Variants in CCDC6 observed in about 807,000 individuals in gnomAD.
CCDC6 encodes the protein coiled-coil domain containing 6.
CCDC6 carries 20 observed loss-of-function variants against 56.6 expected under a neutral mutation model. The observed-to-expected ratio is 0.35, with a 90% CI of 0.25 to 0.51. The LOEUF is 0.51. Ranked by LOEUF, CCDC6 falls within the 20% of genes least tolerant of loss-of-function variation. The pLI, the probability that CCDC6 is intolerant of heterozygous loss-of-function variation, is 0.95. For missense variants in CCDC6, 367 were observed against 601.1 expected (o/e 0.61, Z 4.07); for synonymous variants, 241 against 234.4 (o/e 1.03, Z -0.26).
chr10:59,904,026 C>T (rs1371632678), intron 1 of CCDC6, among the ~76,000 whole-genome samples: 1 of 152,164 alleles, frequency 6.6e-6, no homozygotes, highest in Non-Finnish European at 1.5e-5. Flanking sequence ...GGAAACCAGG[C>T]GAACCACAAG....
At chr10:59,864,250 C>G (rs1235062920) in intron 1 of CCDC6, among the ~76,000 whole-genome samples, 2 of 152,184 alleles carry the variant, frequency 1.3e-5, no homozygotes, top group Non-Finnish European at 2.9e-5. Flanking sequence ...GTTTCTTATT[C>G]TTCCTCTCAG....
Position 59,881,296 on chromosome 10 carries a change from G to C in CCDC6, c.303+24826C>G, listed in dbSNP as rs542724226. ...GGCAATCCCCGAGAAGTGGGTGTGA[G>C]CCAGAGTGTGATGTGTCCTGTAAGA... On this transcript the variant is annotated intron_variant, in intron 1 of 8. Transcript: ENST00000263102. 5.3e-5 allele frequency among the ~76,000 whole-genome samples: 8 copies of C among 152,226 alleles called. No individual in the cohort carries two copies. In the South Asian group the frequency reaches 1.7e-3, roughly 32 times the overall value.
At chr10:59,874,158 C>T (rs1024612880) in intron 1 of CCDC6, among the ~76,000 whole-genome samples, 1 of 152,016 alleles carries the variant, frequency 6.6e-6, no homozygotes, top group African/African-American at 2.4e-5. Context: ...CACACCCCTA[C>T]ATAGATTCCA....
chr10:59,882,070 C>CA (rs1564755844), intron 1 of CCDC6, among the ~76,000 whole-genome samples: 1 of 24,394 alleles, frequency 4.1e-5, no homozygotes. Flanking sequence ...AAAGGAAAGC[C>CA]GCGGGGAGAA....
chr10:59,893,615 A>AACAAATAC (rs943261705), intron 1 of CCDC6, among the ~76,000 whole-genome samples: 26 of 148,644 alleles, frequency 1.7e-4, no homozygotes, highest in African/African-American at 5.7e-4. Flanking sequence ...CAAACAAACA[A>AACAAATAC]ATACATACAT....
intron 1 of CCDC6, among the ~76,000 whole-genome samples, chr10:59,869,419 ACAGAAAAAAG>A (rs2071207939): frequency 6.2e-4 from 40 of 64,334 alleles, no homozygotes; most frequent in South Asian, 1.6e-3. Context: ...AAAAAAAAAA[ACAGAAAAAAG>A]AAAAAAAAAA....
chr10:59,899,653 G>T (rs955447550), intron 1 of CCDC6, among the ~76,000 whole-genome samples: 1 of 152,194 alleles, frequency 6.6e-6, no homozygotes, highest in Non-Finnish European at 1.5e-5. Flanking sequence ...CAACATTAAA[G>T]AGTCATAGGA....
At chr10:59,844,784 C>T (rs1477496035) in intron 2 of CCDC6, among the ~76,000 whole-genome samples, 1 of 145,140 alleles carries the variant, frequency 6.9e-6, no homozygotes, top group Non-Finnish European at 1.5e-5. Context: ...GAGAGAAAAT[C>T]CTTTAGGCTC....
chr10:59,850,247 T>A (rs1380088522), intron 2 of CCDC6, among the ~76,000 whole-genome samples: 1 of 152,152 alleles, frequency 6.6e-6, no homozygotes, highest in Admixed American at 6.5e-5. Flanking sequence ...TTGAAAAGGT[T>A]CTGGAGATGG....
At position 59,846,500 on chromosome 10, in the gene CCDC6, T is replaced by G. The variant is rs7087948; in HGVS notation, c.453+6053A>C. Among the ~76,000 whole-genome samples the G allele has an allele frequency of 6.2e-3, 951 of 152,310 alleles. 9 individuals carry two copies. Among genetic ancestry groups the G allele is most frequent in the African/African-American group, 0.022 (915 of 41,560 alleles). ...ACTATTTTAGTTCCAGGAAGCATTC[T>G]TACCTCAGGAGCCAAGTCAATAATA... is the stretch of plus-strand genomic sequence containing the variant. On this transcript the variant is annotated intron_variant, in intron 2 of 8. Transcript: ENST00000263102.
chr10:59,836,946 TTCTAAG>T (rs1206274695), intron 2 of CCDC6, among the ~76,000 whole-genome samples: 4 of 152,248 alleles, frequency 2.6e-5, no homozygotes, highest in Non-Finnish European at 4.4e-5. Flanking sequence ...TAATTTTAAA[TTCTAAG>T]TCCTAAAGCA....
intron 3 of CCDC6, among the ~76,000 whole-genome samples, chr10:59,820,715 T>C (rs1396709042): frequency 6.6e-6 from 1 of 151,680 alleles, no homozygotes; most frequent in Non-Finnish European, 1.5e-5. Context: ...GCCACTGTAC[T>C]CCAGCCTGGG....
At chr10:59,879,516 C>G (rs1257600525) in intron 1 of CCDC6, among the ~76,000 whole-genome samples, 1 of 152,146 alleles carries the variant, frequency 6.6e-6, no homozygotes, top group African/African-American at 2.4e-5. Flanking sequence ...CTACACCAAA[C>G]AAGGTCACTC....
intron 2 of CCDC6, among the ~76,000 whole-genome samples, chr10:59,842,941 G>A (rs1367807659): frequency 6.6e-6 from 1 of 152,026 alleles, no homozygotes; most frequent in East Asian, 1.9e-4. Context: ...TTTTAGTAGA[G>A]ACGGGGTTTC....
At chr10:59,862,501 G>GTATA (rs146237484) in intron 1 of CCDC6, among the ~76,000 whole-genome samples, 1,450 of 84,748 alleles carry the variant, frequency 0.017, 49 homozygotes, top group Non-Finnish European at 0.021. Context: ...AAAAAAAAAA[G>GTATA]TATATATATA....
chr10:59,816,415 A>C (rs2070710007), intron 3 of CCDC6, among the ~76,000 whole-genome samples: 2 of 152,190 alleles, frequency 1.3e-5, no homozygotes. Flanking sequence ...AAACAGGTAC[A>C]GTCACAAAAC....
At chr10:59,859,565 C>T (rs1023733264) in intron 1 of CCDC6, among the ~76,000 whole-genome samples, 18 of 152,130 alleles carry the variant, frequency 1.2e-4, no homozygotes, top group Non-Finnish European at 1.5e-5. Flanking sequence ...GCAAATCTGA[C>T]ACCACTGAAT....
intron 3 of CCDC6, among the ~76,000 whole-genome samples, chr10:59,824,143 T>C (rs900307793): frequency 1.3e-5 from 2 of 152,136 alleles, no homozygotes; most frequent in African/African-American, 4.8e-5. Context: ...ACACAGTGAG[T>C]TTTTCTATTT....
intron 1 of CCDC6, among the ~76,000 whole-genome samples, chr10:59,856,942 T>C (rs935721918): frequency 9.9e-5 from 15 of 152,206 alleles, no homozygotes; most frequent in African/African-American, 9.6e-5. Context: ...TTTTGTACGG[T>C]AGACTGGGAA....
Sources: gnomAD v4.1 joint callset for allele counts (sites outside exome capture counted in the v4.1 genomes callset) on GRCh38, gnomAD v4.1.1 for gene constraint, MANE v1.5 for transcripts, NCBI Gene and HGNC (gene_info 2026-07-23, HGNC 2026-07-21) for gene names.